The following IL3RA variants were observed in gnomAD, a reference collection of about 807,000 sequenced individuals.
IL3RA encodes interleukin-3 receptor subunit alpha.
Under a neutral mutation model 52.3 loss-of-function variants are expected in IL3RA, and 73 were observed. The observed-to-expected ratio is 1.40, with a 90% CI of 1.16 to 1.70. The LOEUF (loss-of-function observed/expected upper bound fraction) is 1.70. IL3RA is among the 40% of genes most tolerant of loss of function. The pLI, the probability that IL3RA is intolerant of heterozygous loss-of-function variation, is 0.00. For missense variants in IL3RA, 664 were observed against 504.4 expected (o/e 1.32, Z -3.03); for synonymous variants, 260 against 194.0 (o/e 1.34, Z -2.83).
chrX:1,377,445 G>C (rs1335280140), intron 9 of IL3RA, among the ~76,000 whole-genome samples: 1 of 151,924 alleles, frequency 6.6e-6, no homozygotes, highest in African/African-American at 2.4e-5. Flanking sequence ...TTCTGGCCAT[G>C]TTGGCCAGGC....
chrX:1,362,199 C>T (rs1269413584), intron 8 of IL3RA, among the ~76,000 whole-genome samples: 29 of 148,738 alleles, frequency 1.9e-4, no homozygotes, highest in Non-Finnish European at 4.4e-5. Flanking sequence ...TCTGTCTCTC[C>T]GTTTCTGTCT....
Position 1,382,386 on chromosome X carries a change from T to C in IL3RA, c.1063-5T>C. The C allele has an allele frequency of 6.2e-7, 1 of 1,613,584 alleles. No homozygotes were observed. The highest frequency in any genetic ancestry group is 8.5e-7 in the Non-Finnish European group (1 of 1,179,608). ...GACTCACCCTGCCTCCTCTCGTCTCTGCAGGTGGTCTGGGAGGCGGGCAAA... is the reference window on the plus strand; with the variant it reads ...GACTCACCCTGCCTCCTCTCGTCTCCGCAGGTGGTCTGGGAGGCGGGCAAA... On this transcript the variant is annotated splice_region_variant and splice_polypyrimidine_tract_variant and intron_variant, in intron 11 of 11. Coordinates refer to ENST00000331035, the MANE Select transcript of IL3RA (RefSeq NM_002183.4).
Position 1,341,751 on chromosome X carries a change from G to GGAGCTGCGTTCCC in IL3RA, c.-12_1dup. ...AGCAGGCACCTCTGTCCTGCGTTCC[G>GGAGCTGCGTTCCC]GAGCTGCGTTCCCGATGGTCCTCCT... On this transcript the variant is annotated 5_prime_UTR_variant, in exon 2 of 12. Coordinates refer to ENST00000331035, the MANE Select transcript of IL3RA (RefSeq NM_002183.4). 6.2e-7 allele frequency: 1 copy of GGAGCTGCGTTCCC among 1,613,680 alleles called. No individual in the cohort carries two copies. The highest frequency in any genetic ancestry group is 8.5e-7 in the Non-Finnish European group (1 of 1,179,768).
intron 11 of IL3RA, 75 bp from the exon 12 acceptor site, chrX:1,382,316 G>GC: frequency 1.2e-6 from 1 of 856,866 alleles, no homozygotes; most frequent in Non-Finnish European, 1.6e-6. Context: ...GATGGGACAG[G>GC]CCCCCGCAGA....
chrX:1,377,157 C>A (rs759967922), intron 9 of IL3RA, among the ~76,000 whole-genome samples: 10 of 152,294 alleles, frequency 6.6e-5, no homozygotes, highest in African/African-American at 2.4e-4. Flanking sequence ...AGGAACCAGC[C>A]CTGCCCATGC....
At chrX:1,353,811 C>CG (rs1321213564) in intron 6 of IL3RA, among the ~76,000 whole-genome samples, 5 of 148,090 alleles carry the variant, frequency 3.4e-5, no homozygotes, top group African/African-American at 1.3e-4. Flanking sequence ...TGGGACCCCC[C>CG]CCATCACGGG....
At chrX:1,382,055 G>A (rs181875814) in intron 11 of IL3RA, among the ~76,000 whole-genome samples, 23 of 151,702 alleles carry the variant, frequency 1.5e-4, no homozygotes, top group Non-Finnish European at 2.9e-4. Context: ...AGGTTCAAGC[G>A]ATTCTCCTGC....
chrX:1,340,999 C>T (rs1192088221), intron 1 of IL3RA, among the ~76,000 whole-genome samples: 3 of 152,134 alleles, frequency 2.0e-5, no homozygotes, highest in Non-Finnish European at 4.4e-5. Context: ...TGCCTATAAT[C>T]CCAGCTACTC....
chrX:1,348,580 TTCCC>T (rs1569520639), intron 4 of IL3RA, 35 bp downstream of exon 4: 3 of 1,481,784 alleles, frequency 2.0e-6, no homozygotes, highest in Admixed American at 3.3e-5. Flanking sequence ...TTATTCTCTA[TTCCC>T]TCCCTCCTTC....
intron 6 of IL3RA, among the ~76,000 whole-genome samples, chrX:1,355,762 G>A (rs1264161603): frequency 3.9e-5 from 6 of 151,918 alleles, no homozygotes; most frequent in Non-Finnish European, 8.8e-5. Context: ...ATGCAGAGAG[G>A]GCCTCCAAGG....
At chrX:1,362,013 T>C (rs1432593205) in intron 8 of IL3RA, among the ~76,000 whole-genome samples, 1 of 151,922 alleles carries the variant, frequency 6.6e-6, no homozygotes, top group Non-Finnish European at 1.5e-5. Context: ...TTCCTCTCTG[T>C]CTCTGTTTTT....
chrX:1,359,914 T>G (rs1185682785), intron 8 of IL3RA, among the ~76,000 whole-genome samples: 4 of 149,176 alleles, frequency 2.7e-5, no homozygotes, highest in African/African-American at 9.9e-5. Context: ...TCTCTGTCTC[T>G]CCCTGTGTCT....
chrX:1,343,462 C>T (rs1403000569), intron 2 of IL3RA, among the ~76,000 whole-genome samples: 2 of 151,442 alleles, frequency 1.3e-5, no homozygotes, highest in African/African-American at 4.9e-5. Context: ...GTCAGGAGTT[C>T]AAAACCAGCT....
chrX:1,348,658 CTTTCTTTCTTTCTTTCTT>C (rs2085903756), intron 4 of IL3RA, 113 bp downstream of exon 4: 7 of 428,368 alleles, frequency 1.6e-5, no homozygotes, highest in Non-Finnish European at 2.8e-5. Context: ...TTCTTTCTTT[CTTTCTTTCTTTCTTTCTT>C]TCTTTCTTTC....
At chrX:1,354,275 C>T (rs1367060722) in intron 6 of IL3RA, among the ~76,000 whole-genome samples, 3 of 152,128 alleles carry the variant, frequency 2.0e-5, no homozygotes, top group Non-Finnish European at 4.4e-5. Context: ...GTTAGAGCTT[C>T]AGTGGAGGAA....
intron 3 of IL3RA, 51 bp downstream of exon 3, chrX:1,345,485 A>G (rs1379618915): frequency 8.2e-6 from 10 of 1,213,046 alleles, no homozygotes; most frequent in Non-Finnish European, 1.1e-5. Context: ...TTATTTATGT[A>G]TTTATGTATT....
chrX:1,353,666 C>A (rs1357143577), intron 6 of IL3RA, among the ~76,000 whole-genome samples: 1 of 70,900 alleles, frequency 1.4e-5, no homozygotes, highest in East Asian at 3.0e-4. Flanking sequence ...GTCATGGGAC[C>A]CCCCCCATCA....
At chrX:1,377,663 G>A (rs1430084343) in intron 9 of IL3RA, among the ~76,000 whole-genome samples, 1 of 147,548 alleles carries the variant, frequency 6.8e-6, no homozygotes. Flanking sequence ...GGTCATAGAT[G>A]TATGTTTTTT....
chrX:1,348,646 CT>C (rs1418074758), intron 4 of IL3RA, 101 bp downstream of exon 4: 6 of 282,232 alleles, frequency 2.1e-5, no homozygotes, highest in Non-Finnish European at 3.6e-5. Flanking sequence ...TTCTTTTTCT[CT>C]TTCTTTCTTT....
Sources: allele counts gnomAD v4.1 joint callset (sites outside exome capture counted in the v4.1 genomes callset), GRCh38; gene constraint gnomAD v4.1.1; transcripts MANE v1.5; gene names NCBI Gene and HGNC (gene_info 2026-07-23, HGNC 2026-07-21).